The following TMEM132B variants were observed in gnomAD, a reference collection of about 807,000 sequenced individuals.
TMEM132B encodes transmembrane protein 132B.
A neutral mutation model predicts 90.8 loss-of-function variants in TMEM132B; 18 were observed. The ratio of observed to expected loss-of-function variants is 0.20; its 90% CI spans 0.14 to 0.29. The LOEUF (loss-of-function observed/expected upper bound fraction) is 0.29. Ranked by LOEUF, TMEM132B falls within the 10% of genes least tolerant of loss-of-function variation. The pLI, the probability that TMEM132B is intolerant of heterozygous loss-of-function variation, is 1.00. For missense variants in TMEM132B, 1,096 were observed against 1,326.8 expected, an observed-to-expected ratio of 0.83 and a Z score of 2.70; for synonymous variants, 504 against 523.3, an observed-to-expected ratio of 0.96 and a Z score of 0.50.
intron 2 of TMEM132B, among the ~76,000 whole-genome samples, chr12:125,363,143 C>T (rs1011409620): frequency 2.6e-5 from 4 of 152,130 alleles, no homozygotes; most frequent in African/African-American, 9.7e-5. Context: ...AGTTTGCTGG[C>T]TCAAATCCTA....
chr12:125,481,331 T>C (rs1231664461), intron 3 of TMEM132B, among the ~76,000 whole-genome samples: 2 of 152,206 alleles, frequency 1.3e-5, no homozygotes, highest in Admixed American at 6.5e-5. Context: ...TATTTGCAGA[T>C]GGCATGACTG....
At chr12:125,542,006 CAG>C (rs1883970616) in intron 4 of TMEM132B, among the ~76,000 whole-genome samples, 1 of 108,756 alleles carries the variant, frequency 9.2e-6, no homozygotes, top group African/African-American at 3.7e-5. Flanking sequence ...GCCTGGGCGA[CAG>C]AGCAAAACCC....
intron 2 of TMEM132B, among the ~76,000 whole-genome samples, chr12:125,400,527 T>C (rs1879289371): frequency 1.3e-5 from 2 of 152,224 alleles, no homozygotes; most frequent in South Asian, 4.1e-4. Flanking sequence ...CAGGAGCATG[T>C]AAGACTGGAG....
Position 125,407,738 on chromosome 12 carries a change from T to C in TMEM132B, c.960-7793T>C, listed in dbSNP as rs772199125. Among the ~76,000 whole-genome samples the C allele has an allele frequency of 6.6e-6, 1 of 152,088 alleles. No homozygotes were observed. Among genetic ancestry groups the C allele is most frequent in the Non-Finnish European group, 1.5e-5 (1 of 67,984 alleles). Reference sequence around the variant, plus strand: ...AGGGACCGCGGACACCTGGTGGAGGTCTGGGGGAGAAACGCCTCTGTGTGT... The same window carrying C: ...AGGGACCGCGGACACCTGGTGGAGGCCTGGGGGAGAAACGCCTCTGTGTGT... On this transcript the variant is annotated intron_variant, in intron 2 of 8. Coordinates refer to ENST00000682704, the MANE Select transcript of TMEM132B (RefSeq NM_001366854.1). The surrounding 1 kb of genome is among the most constrained non-coding windows in gnomAD (Gnocchi z 6.7).
intron 1 of TMEM132B, among the ~76,000 whole-genome samples, chr12:125,299,369 C>T (rs1202645903): frequency 4.6e-5 from 7 of 152,196 alleles, no homozygotes; most frequent in Non-Finnish European, 1.0e-4. Flanking sequence ...TCCTCCCAAG[C>T]CCCATTGTGG....
chr12:125,407,129 C>T lies in TMEM132B; in HGVS notation c.960-8402C>T, dbSNP rs1174126796. ...GTCCCTCCAGTGGTCAAGCAGATCC[C>T]ATGTGGCCCAAGCCTCCCTACTATA... On this transcript the variant is annotated intron_variant, in intron 2 of 8. Transcript: ENST00000682704. The surrounding 1 kb of genome is among the most constrained non-coding windows in gnomAD (Gnocchi z 6.7). 1.3e-5 allele frequency among the ~76,000 whole-genome samples: 2 copies of T among 152,182 alleles called. No homozygotes were observed. Among genetic ancestry groups the T allele is most frequent in the Non-Finnish European group, 2.9e-5 (2 of 68,034 alleles).
intron 5 of TMEM132B, among the ~76,000 whole-genome samples, chr12:125,601,363 C>T (rs1885567256): frequency 6.6e-6 from 1 of 152,118 alleles, no homozygotes; most frequent in Admixed American, 6.6e-5. Context: ...TCCTGAATGA[C>T]TCCTGGGAAA....
rs1468642825 is a variant in TMEM132B, at chr12:125,329,268, C to G, written c.68-20184C>G. On this transcript the variant is annotated intron_variant, in intron 1 of 8. Transcript: ENST00000682704. ...CGCCTTGATCTTGGTCTTCCAGCCT[C>G]TAGACCTGTGAGAAATGAATATCTG... Among the ~76,000 whole-genome samples, 3 of 152,234 alleles carry G rather than the reference C, an allele frequency of 2.0e-5. No homozygotes were observed. In the East Asian group the frequency reaches 5.8e-4, roughly 29 times the overall value.
chr12:125,369,070 G>A (rs1242372726), intron 2 of TMEM132B, among the ~76,000 whole-genome samples: 1 of 151,244 alleles, frequency 6.6e-6, no homozygotes, highest in Non-Finnish European at 1.5e-5. Context: ...CCCACCCTGT[G>A]TCCAGGTGTT....
At chr12:125,481,312 A>G (rs1218888824) in intron 3 of TMEM132B, among the ~76,000 whole-genome samples, 1 of 152,228 alleles carries the variant, frequency 6.6e-6, no homozygotes, top group East Asian at 1.9e-4. Context: ...GAGGAAGTCA[A>G]ATTGTCCCTA....
intron 4 of TMEM132B, among the ~76,000 whole-genome samples, chr12:125,545,508 GGAAAT>G (rs1884066622): frequency 6.6e-6 from 1 of 152,132 alleles, no homozygotes; most frequent in South Asian, 2.1e-4. Flanking sequence ...ATTCCTTTGG[GGAAAT>G]GCCTTTCCCT....
chr12:125,470,080 T>A (rs1294397326), intron 3 of TMEM132B, among the ~76,000 whole-genome samples: 1 of 152,224 alleles, frequency 6.6e-6, no homozygotes, highest in African/African-American at 2.4e-5. Flanking sequence ...GGGACATCCA[T>A]GGCTGAGCTG....
chr12:125,646,463 GA>G (rs1886767142), intron 6 of TMEM132B, among the ~76,000 whole-genome samples: 1 of 152,196 alleles, frequency 6.6e-6, no homozygotes, highest in Admixed American at 6.5e-5. Flanking sequence ...AACCCTTGCT[GA>G]AACTTGAAGG....
chr12:125,642,311 A>G (rs1324359523), intron 5 of TMEM132B, among the ~76,000 whole-genome samples: 6 of 152,216 alleles, frequency 3.9e-5, no homozygotes, highest in Admixed American at 3.9e-4. Flanking sequence ...CCTGGGCACA[A>G]TGAAGCAGAT....
In TMEM132B at chr12:125,554,785, C is replaced by T. The variant is rs373554125; in HGVS notation, c.1294-29066C>T. Among the ~76,000 whole-genome samples, 4 of 152,290 alleles carry T rather than the reference C, an allele frequency of 2.6e-5. 1 individual carries two copies. In the South Asian group the frequency reaches 6.2e-4, roughly 24 times the overall value. On this transcript the variant is annotated intron_variant, in intron 4 of 8. Transcript: ENST00000682704. Reference sequence around the variant, plus strand: ...TGAATGGTGGGAGTGTCAACATTTCCTCAGTCAGCTGTTTCTTCTATGACT... The same window carrying T: ...TGAATGGTGGGAGTGTCAACATTTCTTCAGTCAGCTGTTTCTTCTATGACT...
chr12:125,241,674 C>T (rs1185749663), intron 1 of TMEM132B, among the ~76,000 whole-genome samples: 5 of 152,138 alleles, frequency 3.3e-5, no homozygotes, highest in African/African-American at 7.2e-5. Flanking sequence ...TCTGCTGGCA[C>T]CTTGGTTTTG....
At chr12:125,538,031 C>A (rs1257900817) in intron 4 of TMEM132B, among the ~76,000 whole-genome samples, 1 of 152,216 alleles carries the variant, frequency 6.6e-6, no homozygotes, top group African/African-American at 2.4e-5. Context: ...CGCTCGGCTC[C>A]TATTGGCGTC....
intron 3 of TMEM132B, among the ~76,000 whole-genome samples, chr12:125,512,356 G>A (rs1001541927): frequency 5.9e-5 from 9 of 152,110 alleles, no homozygotes; most frequent in Admixed American, 1.3e-4. Context: ...TAAAAATATC[G>A]CCAGCTGATT....
intron 1 of TMEM132B, among the ~76,000 whole-genome samples, chr12:125,249,500 C>G (rs981692742): frequency 1.3e-5 from 2 of 152,128 alleles, no homozygotes; most frequent in African/African-American, 4.8e-5. Flanking sequence ...ACATAGAATC[C>G]TCTCCCACAA....
Sources: gnomAD v4.1 joint callset for allele counts (sites outside exome capture counted in the v4.1 genomes callset) on GRCh38, gnomAD v4.1.1 for gene constraint, Gnocchi (gnomAD v3.1) non-coding constraint, MANE v1.5 for transcripts, NCBI Gene and HGNC (gene_info 2026-07-23, HGNC 2026-07-21) for gene names.